RPGRIP1: variants seen among roughly 807,000 people sequenced by gnomAD.
The protein encoded by RPGRIP1 is X-linked retinitis pigmentosa GTPase regulator-interacting protein 1.
A neutral mutation model predicts 157.9 loss-of-function variants in RPGRIP1; 128 were observed. The ratio of observed to expected loss-of-function variants is 0.81; its 90% CI spans 0.70 to 0.94. RPGRIP1 has a LOEUF of 0.94. Among genes scored for constraint, RPGRIP1 ranks in the 40% least tolerant of loss-of-function variants. The pLI, the probability that RPGRIP1 is intolerant of heterozygous loss-of-function variation, is 0.00. For synonymous variants in RPGRIP1, 554 were observed against 571.6 expected, an observed-to-expected ratio of 0.97 and a Z score of 0.44; for missense variants, 1,486 against 1,545.8, an observed-to-expected ratio of 0.96 and a Z score of 0.65.
intron 22 of RPGRIP1, 147 bp from the exon 23 acceptor site, chr14:21,344,966 C>A: frequency 3.3e-6 from 2 of 612,868 alleles, no homozygotes; most frequent in Non-Finnish European, 5.9e-6. Context: ...AAATGATTTT[C>A]AAAGCAGTTG....
intron 10 of RPGRIP1, among the ~76,000 whole-genome samples, chr14:21,317,294 A>G (rs1009051436): frequency 1.3e-5 from 2 of 152,124 alleles, no homozygotes; most frequent in Admixed American, 6.5e-5. Context: ...TATTCTCTAA[A>G]CTCACCGTTG....
intron 21 of RPGRIP1, among the ~76,000 whole-genome samples, chr14:21,335,601 CG>C (rs910303831): frequency 1.3e-5 from 2 of 152,094 alleles, no homozygotes; most frequent in Admixed American, 1.3e-4. Flanking sequence ...GAGGCCGAGA[CG>C]GGTGGATCAC....
intron 12 of RPGRIP1, among the ~76,000 whole-genome samples, chr14:21,320,589 CCCA>C (rs1882329506): frequency 6.9e-6 from 1 of 145,920 alleles, no homozygotes. Context: ...CCGCGCCCGG[CCCA>C]CTCTTTTTTT....
chr14:21,315,535 G>T (rs1233317319), intron 10 of RPGRIP1, among the ~76,000 whole-genome samples: 11 of 103,072 alleles, frequency 1.1e-4, no homozygotes, highest in Admixed American at 1.9e-4. Context: ...AAACTTAAAA[G>T]TACCTTTGAT....
chr14:21,330,235 T>C lies in RPGRIP1; in HGVS notation c.3100-14T>C. The stretch of plus-strand genomic sequence containing the variant: ...TATTACCAGCTATGTAGTATTGTTG[T>C]TCTTATTCTGAAGCAGGTGAATTAC... On this transcript the variant is annotated splice_polypyrimidine_tract_variant and intron_variant, in intron 19 of 24. Transcript: ENST00000400017. The C allele has an allele frequency of 6.5e-7, 1 of 1,539,276 alleles. No individual in the cohort carries two copies. The highest frequency in any genetic ancestry group is 1.7e-4 in the Middle Eastern group (1 of 5,900).
chr14:21,318,524 G>A (rs1426976043), intron 11 of RPGRIP1, among the ~76,000 whole-genome samples: 1 of 152,142 alleles, frequency 6.6e-6, no homozygotes, highest in Non-Finnish European at 1.5e-5. Context: ...CACCCAGGCT[G>A]GAGTACAGTG....
At position 21,334,604 on chromosome 14, in the gene RPGRIP1, G is replaced by A; in HGVS notation, c.3239-1G>A. ...TATAACTGCAACCTCTTCTCTAGCA[G>A]ACAAAGAATCCTCTGAACAAGGTTC... On this transcript the variant is annotated splice_acceptor_variant, in intron 20 of 24. Coordinates refer to ENST00000400017, the MANE Select transcript of RPGRIP1 (RefSeq NM_020366.4). LOFTEE classifies it high-confidence loss of function. 4 of 1,600,914 alleles carry A rather than the reference G, an allele frequency of 2.5e-6. No individual in the cohort carries two copies. The highest frequency in any genetic ancestry group is 3.4e-6 in the Non-Finnish European group (4 of 1,173,570).
Position 21,317,695 on chromosome 14 carries a change from G to T in RPGRIP1, c.1152-1G>T. The T allele has an allele frequency of 6.3e-7, 1 of 1,581,368 alleles. No individual in the cohort carries two copies. Among genetic ancestry groups the T allele is most frequent in the East Asian group, 2.3e-5 (1 of 43,268 alleles). ...TCTGAGAGCTTGCTTTCCATTGCCA[G>T]CATGCTGGACAGCAGTGACAGCTCC... On this transcript the variant is annotated splice_acceptor_variant, in intron 10 of 24. Coordinates refer to ENST00000400017, the MANE Select transcript of RPGRIP1 (RefSeq NM_020366.4). LOFTEE classifies it high-confidence loss of function.
chr14:21,331,860 ATAT>A (rs1883828750), intron 20 of RPGRIP1, among the ~76,000 whole-genome samples: 2 of 151,870 alleles, frequency 1.3e-5, no homozygotes, highest in African/African-American at 4.8e-5. Flanking sequence ...AGATATGGAA[ATAT>A]TATGAAAAGA....
At chr14:21,308,659 G>T (rs1881416695) in intron 7 of RPGRIP1, among the ~76,000 whole-genome samples, 2 of 152,144 alleles carry the variant, frequency 1.3e-5, no homozygotes, top group South Asian at 4.1e-4. Flanking sequence ...TTTAAGGAGC[G>T]GAGAGTTTAA....
chr14:21,308,648 C>T (rs1881416045), intron 7 of RPGRIP1, among the ~76,000 whole-genome samples: 1 of 152,100 alleles, frequency 6.6e-6, no homozygotes. Flanking sequence ...GGTGGAGCGG[C>T]TTTAAGGAGC....
At chr14:21,325,771 C>T (rs2139234571) in intron 16 of RPGRIP1, 60 bp from the exon 17 acceptor site, 1 of 1,258,024 alleles carries the variant, frequency 7.9e-7, no homozygotes, top group African/African-American at 1.5e-5. Context: ...AGATCCTAGG[C>T]TTCACCTACA....
In RPGRIP1 at chr14:21,351,259, A is replaced by T. The variant is rs763253192; in HGVS notation, c.*43A>T. 7.9e-7 allele frequency: 1 copy of T among 1,264,338 alleles called. No individual in the cohort carries two copies. Among genetic ancestry groups the T allele is most frequent in the South Asian group, 1.3e-5 (1 of 78,168 alleles). The allele number at this position is 1,264,338 out of a possible 1,614,324, so 78.3% of individuals were successfully genotyped here. On this transcript the variant is annotated 3_prime_UTR_variant, in exon 25 of 25. Transcript: ENST00000400017. ...CAATCTAAAAGTCTCTGAGGGAACC[A>T]TAGTAAAAAGTCTCTTATAAAGTTA... is the stretch of plus-strand genomic sequence containing the variant.
chr14:21,301,334 C>T, intron 4 of RPGRIP1, 97 bp downstream of exon 4: 1 of 1,313,358 alleles, frequency 7.6e-7, no homozygotes, highest in South Asian at 1.4e-5. Context: ...GCCCACCACC[C>T]CATTTTGTTC....
rs372615343 is a variant in RPGRIP1 at position 21,307,738 on chromosome 14, A to G, written c.808A>G (p.Ile270Val). ...AQKAAELRAS[I>V]KEKVELIRLK... ...TAGCGCCTTTCTCTGCAGAGCTTCC[A>G]TTAAAGAGAAGGTAGAGCTGATTCG... The change falls in exon 7 of 25, where the codon ATT (isoleucine) becomes GTT (valine). Residue 270 changes from isoleucine to valine, a missense_variant. Coordinates refer to ENST00000400017, the MANE Select transcript of RPGRIP1 (RefSeq NM_020366.4). The G allele has an allele frequency of 1.4e-4, 216 of 1,557,168 alleles. No homozygotes were observed. The African/African-American group carries it at 2.4e-3, about 17-fold the overall frequency.
Position 21,284,129 on chromosome 14 carries a change from G to T in RPGRIP1, c.-38-3810G>T, listed in dbSNP as rs1880223618. 2.0e-5 allele frequency among the ~76,000 whole-genome samples: 3 copies of T among 152,138 alleles called. No individual in the cohort carries two copies. In the South Asian group the frequency reaches 6.2e-4, roughly 31 times the overall value. ...ACAGAGTATGAATTATCCAATTCAA[G>T]TTAAATTGCCCGGAAAGCAGATCAA... On this transcript the variant is annotated intron_variant, in intron 1 of 24. Coordinates refer to ENST00000400017, the MANE Select transcript of RPGRIP1 (RefSeq NM_020366.4).
chr14:21,347,453 A>G (rs1271915127), intron 23 of RPGRIP1, among the ~76,000 whole-genome samples: 1 of 152,240 alleles, frequency 6.6e-6, no homozygotes, highest in Non-Finnish European at 1.5e-5. Context: ...ACATAGAAAC[A>G]TAGTTACAAA....
rs140904308 is a variant in RPGRIP1, at chr14:21,317,780, G to A, written c.1236G>A (p.Gln412=). Residue 412 remains glutamine, a synonymous_variant, in exon 11 of 25, where the codon CAG becomes CAA. Coordinates refer to ENST00000400017, the MANE Select transcript of RPGRIP1 (RefSeq NM_020366.4). ...AACAGCTACAGCAGCAAGTCTCTCA[G>A]CTGCAGGATCAGCTGGATGCTGAGC... ...IAEQLQQQVS[Q]LQDQLDAELE... 82 of 1,601,388 alleles carry A rather than the reference G, an allele frequency of 5.1e-5. 1 individual carries two copies. In the Middle Eastern group the frequency reaches 1.8e-3, roughly 36 times the overall value.
intron 1 of RPGRIP1, among the ~76,000 whole-genome samples, 170 bp from the exon 2 acceptor site, chr14:21,287,769 T>C (rs996710724): frequency 6.6e-6 from 1 of 152,236 alleles, no homozygotes; most frequent in Non-Finnish European, 1.5e-5. Flanking sequence ...TCCTACTGAA[T>C]ACTTGTTGTT....
Sources: allele counts gnomAD v4.1 joint callset (sites outside exome capture counted in the v4.1 genomes callset), GRCh38; gene constraint gnomAD v4.1.1; transcripts MANE v1.5; gene names NCBI Gene and HGNC (gene_info 2026-07-23, HGNC 2026-07-21).